RALGAPA2: variants seen among roughly 807,000 people sequenced by gnomAD.
RALGAPA2 encodes Ral GTPase activating protein catalytic subunit alpha 2.
A neutral mutation model predicts 230.4 loss-of-function variants in RALGAPA2; 139 were observed. The observed-to-expected ratio is 0.60, with a 90% CI of 0.53 to 0.69. The LOEUF is 0.69. Among genes scored for constraint, RALGAPA2 ranks in the 30% least tolerant of loss-of-function variants. The pLI is 0.00. For missense variants in RALGAPA2, 2,163 were observed against 2,276.0 expected (o/e 0.95, Z 1.01); for synonymous variants, 847 against 837.8 (o/e 1.01, Z -0.19).
intron 3 of RALGAPA2, among the ~76,000 whole-genome samples, chr20:20,667,512 CA>C (rs2067995509): frequency 6.6e-6 from 1 of 152,148 alleles, no homozygotes; most frequent in Non-Finnish European, 1.5e-5. Context: ...AAATCGCAAG[CA>C]ATCAAATTTC....
intron 3 of RALGAPA2, among the ~76,000 whole-genome samples, chr20:20,654,350 G>A (rs890718612): frequency 2.6e-5 from 4 of 152,030 alleles, no homozygotes; most frequent in Non-Finnish European, 2.9e-5. Context: ...CATTACACTC[G>A]GCTAATATTT....
intron 2 of RALGAPA2, 38 bp downstream of exon 2, chr20:20,680,653 C>T: frequency 1.3e-6 from 2 of 1,494,654 alleles, no homozygotes; most frequent in Non-Finnish European, 1.8e-6. Flanking sequence ...ATAAAAATGC[C>T]CGAATGTTTT....
chr20:20,511,344 G>A lies in RALGAPA2; in HGVS notation c.4857-19C>T. 1 of 1,537,352 alleles carries A rather than the reference G, an allele frequency of 6.5e-7. No individual in the cohort carries two copies. Among genetic ancestry groups the A allele is most frequent in the Admixed American group, 2.1e-5 (1 of 46,638 alleles). ...ATTCTTCCTATAAAGAAAAAAGGATGGAAGAAAAACCATGTGATTACAGAA... is the reference window on the plus strand; with the variant it reads ...ATTCTTCCTATAAAGAAAAAAGGATAGAAGAAAAACCATGTGATTACAGAA... On this transcript the variant is annotated intron_variant, in intron 32 of 39. Transcript: ENST00000202677.
At chr20:20,479,758 C>A (rs192801184) in intron 36 of RALGAPA2, among the ~76,000 whole-genome samples, 2 of 152,206 alleles carry the variant, frequency 1.3e-5, no homozygotes, top group African/African-American at 4.8e-5. Flanking sequence ...AACATTTGCA[C>A]TGGAGATCCT....
At chr20:20,660,518 G>C (rs1036385817) in intron 3 of RALGAPA2, among the ~76,000 whole-genome samples, 2 of 150,920 alleles carry the variant, frequency 1.3e-5, no homozygotes, top group Non-Finnish European at 2.9e-5. Flanking sequence ...AAAAGTACAG[G>C]CCTGTTTTTT....
rs910249595 is a variant in RALGAPA2 at position 20,415,434 on chromosome 20, A to C, written c.5496-3286T>G. 6.6e-5 allele frequency among the ~76,000 whole-genome samples: 10 copies of C among 152,204 alleles called. 1 individual carries two copies. The South Asian group carries it at 2.1e-3, about 31-fold the overall frequency. ...TAATTCTGTTCTGAATTATTATCTC[A>C]TGAAAAGCCACACACAACAAAGTAC... On this transcript the variant is annotated intron_variant, in intron 37 of 39. Coordinates refer to ENST00000202677, the MANE Select transcript of RALGAPA2 (RefSeq NM_020343.4).
intron 16 of RALGAPA2, among the ~76,000 whole-genome samples, chr20:20,592,156 T>C (rs79122108): frequency 0.073 from 11,162 of 152,140 alleles, 564 homozygotes; most frequent in East Asian, 0.16. Flanking sequence ...TCACTGTCCC[T>C]CTCTTCTTAC....
At chr20:20,536,926 A>T in intron 24 of RALGAPA2, 142 bp from the exon 25 acceptor site, 1 of 1,006,550 alleles carries the variant, frequency 9.9e-7, no homozygotes, top group South Asian at 1.8e-5. Context: ...TATTTAAGCA[A>T]AAGAGGTTTG....
At chr20:20,540,278 C>T (rs1024305450) in intron 24 of RALGAPA2, among the ~76,000 whole-genome samples, 1 of 152,194 alleles carries the variant, frequency 6.6e-6, no homozygotes, top group Non-Finnish European at 1.5e-5. Context: ...ATGACTAGCA[C>T]ACCCAGTACC....
intron 9 of RALGAPA2, 115 bp downstream of exon 9, chr20:20,635,303 C>A: frequency 1.7e-6 from 2 of 1,143,090 alleles, no homozygotes; most frequent in Non-Finnish European, 2.6e-6. Context: ...AAATCACTTA[C>A]CTATAACCAA....
intron 22 of RALGAPA2, 85 bp from the exon 23 acceptor site, chr20:20,571,698 A>G (rs2145920449): frequency 6.6e-7 from 1 of 1,515,324 alleles, no homozygotes; most frequent in South Asian, 1.2e-5. Flanking sequence ...GTTTTCCTTA[A>G]GAGTTGTTTA....
intron 37 of RALGAPA2, among the ~76,000 whole-genome samples, chr20:20,425,410 T>C (rs1317559287): frequency 6.6e-6 from 1 of 152,246 alleles, no homozygotes; most frequent in Non-Finnish European, 1.5e-5. Context: ...TTATTTGTTT[T>C]TTCTTCTGTG....
intron 37 of RALGAPA2, among the ~76,000 whole-genome samples, chr20:20,458,503 A>G (rs2061186551): frequency 7.2e-6 from 1 of 138,694 alleles, no homozygotes; most frequent in African/African-American, 2.7e-5. Flanking sequence ...TATATATTAT[A>G]TATAATATAT....
At chr20:20,595,029 C>T (rs1430972987) in intron 16 of RALGAPA2, among the ~76,000 whole-genome samples, 1 of 152,052 alleles carries the variant, frequency 6.6e-6, no homozygotes, top group East Asian at 1.9e-4. Flanking sequence ...TAAACTATTA[C>T]TTTCTAAAGC....
chr20:20,530,459 G>C (rs980347513), intron 27 of RALGAPA2, among the ~76,000 whole-genome samples: 3 of 152,196 alleles, frequency 2.0e-5, no homozygotes, highest in Admixed American at 2.0e-4. Context: ...GAGGCAATGG[G>C]GGTGGTCAGA....
chr20:20,396,610 G>T, intron 39 of RALGAPA2, 85 bp downstream of exon 39: 1 of 1,304,326 alleles, frequency 7.7e-7, no homozygotes, highest in Non-Finnish European at 1.1e-6. Flanking sequence ...TGCAGGGTCC[G>T]CTACCGAGGG....
chr20:20,664,466 C>T (rs2067890698), intron 3 of RALGAPA2, among the ~76,000 whole-genome samples: 1 of 152,088 alleles, frequency 6.6e-6, no homozygotes, highest in Non-Finnish European at 1.5e-5. Flanking sequence ...TATAATTCTA[C>T]CCATAATATG....
chr20:20,404,274 G>T (rs1011556136), intron 38 of RALGAPA2, among the ~76,000 whole-genome samples: 6 of 152,168 alleles, frequency 3.9e-5, no homozygotes, highest in African/African-American at 1.2e-4. Context: ...TATTCCTTCT[G>T]CTGTTTGAGG....
rs557599337 is a variant in RALGAPA2 at position 20,528,837 on chromosome 20, T to C, written c.3583-2475A>G. ...CAGGAAGCCCTGCCAGAGCTTGCAC[T>C]CTCCGCTACCCATGAAGCAGGCTGA... On this transcript the variant is annotated intron_variant, in intron 27 of 39. Coordinates refer to ENST00000202677, the MANE Select transcript of RALGAPA2 (RefSeq NM_020343.4). Among the ~76,000 whole-genome samples the C allele has an allele frequency of 2.0e-5, 3 of 152,256 alleles. No homozygotes were observed. The South Asian group carries it at 6.2e-4, about 32-fold the overall frequency.
Sources: gnomAD v4.1 joint callset for allele counts (sites outside exome capture counted in the v4.1 genomes callset) on GRCh38, gnomAD v4.1.1 for gene constraint, MANE v1.5 for transcripts, NCBI Gene and HGNC (gene_info 2026-07-23, HGNC 2026-07-21) for gene names.